Variants in MUC15 observed in about 807,000 individuals in gnomAD.
MUC15 encodes the protein mucin 15, cell surface associated, also known as mucin-15.
In MUC15, 23 loss-of-function variants were observed where a neutral mutation model predicts 24.0. The observed-to-expected ratio is 0.96, with a 90% CI of 0.69 to 1.36. The LOEUF is 1.36. MUC15 is among the 40% of genes most tolerant of loss of function. The pLI is 0.00. For synonymous variants in MUC15, 151 were observed against 156.3 expected (o/e 0.97, Z 0.25); for missense variants, 442 against 428.2 (o/e 1.03, Z -0.29).
Position 26,560,131 on chromosome 11 carries a change from T to C in MUC15, c.*934A>G, listed in dbSNP as rs1005694095. The C allele has an allele frequency of 5.6e-5, 11 of 197,218 alleles. No individual in the cohort carries two copies. The highest frequency in any genetic ancestry group is 2.6e-4 in the African/African-American group (11 of 43,114). 12.2% of individuals were successfully genotyped at this position (197,218 alleles called of 1,614,324 possible). ...AACTGATGCTCAGTAAAAAGTTGTT[T>C]GATATTTCCATTCATCTTTTTTAAC... On this transcript the variant is annotated 3_prime_UTR_variant, in exon 5 of 5. Coordinates refer to ENST00000529533, the MANE Select transcript of MUC15 (RefSeq NM_001135091.2).
Position 26,564,732 on chromosome 11 carries a change from CATATATATATAT to C in MUC15, c.775+421_775+432del, listed in dbSNP as rs66510170. Among the ~76,000 whole-genome samples, 213 of 25,316 alleles carry C rather than the reference CATATATATATAT, an allele frequency of 8.4e-3. 1 individual carries two copies. The highest frequency in any genetic ancestry group is 0.01 in the Non-Finnish European group (140 of 13,766). The allele number at this position is 25,316 out of a possible 152,430, so 16.6% of individuals were successfully genotyped here. A position where few individuals can be genotyped will look rare whatever the true frequency, so the allele number is the denominator to read the frequency against. On this transcript the variant is annotated intron_variant, in intron 3 of 4. Coordinates refer to ENST00000529533, the MANE Select transcript of MUC15 (RefSeq NM_001135091.2). ...ACACACACACACACACACACACACA[CATATATATATAT>C]ATATATATATATATATATATATATA...
At position 26,565,549 on chromosome 11, in the gene MUC15, A is replaced by G; in HGVS notation, c.391T>C (p.Ser131Pro). 2 of 1,613,312 alleles carry G rather than the reference A, an allele frequency of 1.2e-6. No homozygotes were observed. The highest frequency in any genetic ancestry group is 1.1e-5 in the South Asian group (1 of 91,054). The change falls in exon 3 of 5, where the codon TCT becomes CCT. Residue 131 changes from serine (S) to proline (P), a missense_variant. Ser to Pro is a moderately conservative substitution (Grantham distance 74, BLOSUM62 -1). Coordinates refer to ENST00000529533, the MANE Select transcript of MUC15 (RefSeq NM_001135091.2). ...EHSLGSLKPT[S>P]TISTSPPLIH... ...AAGGGAGGGCTTGTGGAAATGGTAG[A>G]TGTGGGTTTTAGACTGCCCAAAGAA...
chr11:26,565,854 A>G lies in MUC15; in HGVS notation c.86T>C (p.Leu29Ser). 1 of 1,610,004 alleles carries G rather than the reference A, an allele frequency of 6.2e-7. No homozygotes were observed. Among genetic ancestry groups the G allele is most frequent in the Non-Finnish European group, 8.5e-7 (1 of 1,178,670 alleles). Reference protein sequence around the residue: ...KKPIPKKPTMLALAKILLIST... With the variant: ...KKPIPKKPTMSALAKILLIST... ...AATCAACAGAATTTTGGCTAAGGCC[A>G]ACATTGTAGGCTTCTTTGGTATTGG... is the stretch of plus-strand genomic sequence containing the variant. The change falls in exon 3 of 5, where the codon TTG becomes TCG. Residue 29 changes from leucine (L) to serine (S), a missense_variant. Physicochemically the swap from Leu to Ser is moderately radical, Grantham distance 145. Coordinates refer to ENST00000529533, the MANE Select transcript of MUC15 (RefSeq NM_001135091.2).
chr11:26,569,033 C>T (rs1850712512), intron 1 of MUC15, among the ~76,000 whole-genome samples: 1 of 151,940 alleles, frequency 6.6e-6, no homozygotes, highest in South Asian at 2.1e-4. Context: ...CTTAGCTGTT[C>T]TTCTATTTTT....
chr11:26,559,847 C>CACACAT lies in MUC15; in HGVS notation c.*1217_*1218insATGTGT, dbSNP rs1850214485. The CACACAT allele has an allele frequency of 2.2e-5, 18 of 811,866 alleles. 1 individual carries two copies. The highest frequency in any genetic ancestry group is 8.8e-5 in the African/African-American group (5 of 56,590). 50.3% of individuals were successfully genotyped at this position (811,866 alleles called of 1,614,324 possible). ...GCTGTTTCTGTGTTACACACACACA[C>CACACAT]ACACACACACACACACACACACACA... On this transcript the variant is annotated 3_prime_UTR_variant, in exon 5 of 5. Coordinates refer to ENST00000529533, the MANE Select transcript of MUC15 (RefSeq NM_001135091.2).
intron 1 of MUC15, among the ~76,000 whole-genome samples, chr11:26,570,691 G>C (rs746280994): frequency 6.6e-6 from 1 of 152,044 alleles, no homozygotes; most frequent in Non-Finnish European, 1.5e-5. Flanking sequence ...CAGATGTTAG[G>C]CTACAAATTA....
At chr11:26,564,374 T>C (rs1040281900) in intron 3 of MUC15, among the ~76,000 whole-genome samples, 12 of 151,544 alleles carry the variant, frequency 7.9e-5, no homozygotes, top group Non-Finnish European at 1.0e-4. Flanking sequence ...TTTACATTAC[T>C]AATATAATCC....
chr11:26,563,391 C>CTGTGTGTGTG (rs1324484561), intron 3 of MUC15, 126 bp from the exon 4 acceptor site: 7 of 840,840 alleles, frequency 8.3e-6, no homozygotes, highest in East Asian at 5.7e-5. Context: ...GTGTGTTTCT[C>CTGTGTGTGTG]TCTCTGTGTG....
intron 1 of MUC15, among the ~76,000 whole-genome samples, chr11:26,568,557 A>G (rs1850690161): frequency 6.6e-6 from 1 of 151,986 alleles, no homozygotes; most frequent in South Asian, 2.1e-4. Context: ...CACTGATAAT[A>G]TAAGTCTTTC....
Position 26,565,221 on chromosome 11 carries a change from G to C in MUC15, c.719C>G (p.Thr240Ser). 1 of 1,518,318 alleles carries C rather than the reference G, an allele frequency of 6.6e-7. No individual in the cohort carries two copies. Among genetic ancestry groups the C allele is most frequent in the Non-Finnish European group, 8.8e-7 (1 of 1,133,246 alleles). 94.1% of individuals were successfully genotyped at this position (1,518,318 alleles called of 1,614,324 possible). ...TTTTGAATTATTGGTGAATTTTAAG[G>C]TAGGCTGTAGAGTTGTTTTTTCTTG... is the stretch of plus-strand genomic sequence containing the variant. ...PYQEKTTLQP[T>S]LKFTNNSKLF... is the part of the protein sequence containing the mutation. The change falls in exon 3 of 5, where the codon ACC becomes AGC. Residue 240 changes from threonine to serine, a missense_variant. Transcript: ENST00000529533.
At chr11:26,563,951 G>C (rs140216791) in intron 3 of MUC15, among the ~76,000 whole-genome samples, 143 of 151,888 alleles carry the variant, frequency 9.4e-4, no homozygotes, top group Non-Finnish European at 1.7e-3. Flanking sequence ...CTGAAATTTA[G>C]TACATTTCTC....
chr11:26,564,753 A>AGTT (rs1850487823), intron 3 of MUC15, among the ~76,000 whole-genome samples: 1 of 71,766 alleles, frequency 1.4e-5, no homozygotes. Context: ...ATATATATAT[A>AGTT]TATATATATA....
At position 26,567,106 on chromosome 11, in the gene MUC15, A is replaced by G; in HGVS notation, c.-12T>C. The G allele has an allele frequency of 6.8e-7, 1 of 1,465,844 alleles. No individual in the cohort carries two copies. Among genetic ancestry groups the G allele is most frequent in the Non-Finnish European group, 9.1e-7 (1 of 1,102,208 alleles). The allele number at this position is 1,465,844 out of a possible 1,614,324, so 90.8% of individuals were successfully genotyped here. On this transcript the variant is annotated 5_prime_UTR_variant, in exon 2 of 5. Transcript: ENST00000529533. ...TGTATTATGCCCATTTTGCAGATGA[A>G]GAAACTGAAGCTCACAATGGCTAGT...
rs1344331168 is a variant in MUC15 at position 26,561,136 on chromosome 11, G to A, written c.1015C>T (p.Pro339Ser). The A allele has an allele frequency of 6.2e-7, 1 of 1,612,602 alleles. No individual in the cohort carries two copies. The highest frequency in any genetic ancestry group is 8.5e-7 in the Non-Finnish European group (1 of 1,179,162). The change falls in exon 5 of 5, where the codon CCA (proline) becomes TCA (serine). Residue 339 changes from proline to serine, a missense_variant. Coordinates refer to ENST00000529533, the MANE Select transcript of MUC15 (RefSeq NM_001135091.2). ...TCACGTGCATTTTCTTCACTTTCTGGCATGGCTGAATCATTCAAAGTTGGA... is the reference window on the plus strand; with the variant it reads ...TCACGTGCATTTTCTTCACTTTCTGACATGGCTGAATCATTCAAAGTTGGA... ...YNPTLNDSAM[P>S]ESEENARDGI...
intron 1 of MUC15, among the ~76,000 whole-genome samples, chr11:26,568,363 C>T (rs1271791681): frequency 6.6e-6 from 1 of 151,858 alleles, no homozygotes; most frequent in East Asian, 1.9e-4. Context: ...TGGATTCAAA[C>T]CTTGACATGT....
chr11:26,566,793 A>C (rs2134273405), intron 2 of MUC15, among the ~76,000 whole-genome samples: 1 of 110,852 alleles, frequency 9.0e-6, no homozygotes, highest in South Asian at 2.9e-4. Flanking sequence ...ATTTATATTA[A>C]AATTCTGGCT....
At chr11:26,567,368 G>A (rs1850632507) in intron 1 of MUC15, among the ~76,000 whole-genome samples, 1 of 151,866 alleles carries the variant, frequency 6.6e-6, no homozygotes. Context: ...TACAAGTGCT[G>A]TTACTTAGTT....
rs191699497 is a variant in MUC15 at position 26,564,827 on chromosome 11, G to T, written c.775+338C>A. The stretch of plus-strand genomic sequence containing the variant: ...ATTCACATGAGCATGTGAAATTTCA[G>T]GTAGTCTTTTCAAGATTCATTGAAA... On this transcript the variant is annotated intron_variant, in intron 3 of 4. Transcript: ENST00000529533. 9.1e-5 allele frequency among the ~76,000 whole-genome samples: 12 copies of T among 132,532 alleles called. No homozygotes were observed. The South Asian group carries it at 2.3e-3, about 25-fold the overall frequency. The allele number at this position is 132,532 out of a possible 152,430, so 86.9% of individuals were successfully genotyped here.
chr11:26,568,594 C>G (rs117054428), intron 1 of MUC15, among the ~76,000 whole-genome samples: 2 of 152,022 alleles, frequency 1.3e-5, no homozygotes, highest in East Asian at 3.9e-4. Context: ...ATTAAATACA[C>G]TAAATATGCT....
Sources: gnomAD v4.1 joint callset for allele counts (sites outside exome capture counted in the v4.1 genomes callset) on GRCh38, gnomAD v4.1.1 for gene constraint, MANE v1.5 for transcripts, NCBI Gene and HGNC (gene_info 2026-07-23, HGNC 2026-07-21) for gene names.